ARHGEF18: variants seen among roughly 807,000 people sequenced by gnomAD.
The protein encoded by ARHGEF18 is rho guanine nucleotide exchange factor 18.
ARHGEF18 carries 93 observed loss-of-function variants against 155.7 expected under a neutral mutation model. That is an observed-to-expected ratio of 0.60 (90% CI 0.50 to 0.71). The LOEUF is 0.71. ARHGEF18 is among the 30% of genes least tolerant of loss of function. The pLI, the probability that ARHGEF18 is intolerant of heterozygous loss-of-function variation, is 0.00. For synonymous variants in ARHGEF18, 742 were observed against 753.1 expected, an observed-to-expected ratio of 0.99 and a Z score of 0.24; for missense variants, 1,593 against 1,816.1, an observed-to-expected ratio of 0.88 and a Z score of 2.23.
intron 2 of ARHGEF18, among the ~76,000 whole-genome samples, chr19:7,366,537 G>T (rs1359474339): frequency 6.6e-6 from 1 of 152,194 alleles, no homozygotes. Flanking sequence ...CCTCCAGGAA[G>T]CCCTCCCTGA....
chr19:7,362,357 A>AGAAGG (rs371225964), intron 1 of ARHGEF18, among the ~76,000 whole-genome samples: 1 of 151,946 alleles, frequency 6.6e-6, no homozygotes, highest in African/African-American at 2.4e-5. Flanking sequence ...GAGGAGGAGG[A>AGAAGG]AAAACAATGT....
intron 10 of ARHGEF18, among the ~76,000 whole-genome samples, chr19:7,418,746 C>T (rs10421569): frequency 0.61 from 92,443 of 151,856 alleles, 28,431 homozygotes; most frequent in Middle Eastern, 0.76. Flanking sequence ...CTCTCTGCCC[C>T]GGCCCATGTG....
chr19:7,451,006 T>TTCCGAGATGTTAATGCGGGATCTTGCTG (rs1975407719), intron 15 of ARHGEF18, 143 bp from the exon 16 acceptor site: 1 of 774,004 alleles, frequency 1.3e-6, no homozygotes, highest in Admixed American at 2.2e-5. Context: ...TGCTGTCCAT[T>TTCCGAGATGTTAATGCGGGATCTTGCTG]TCCGAGATGT....
chr19:7,467,735 G>A (rs754181547), intron 26 of ARHGEF18, 51 bp downstream of exon 26: 2 of 1,411,274 alleles, frequency 1.4e-6, no homozygotes, highest in South Asian at 1.5e-5. Flanking sequence ...CGGTTTGCAC[G>A]TGCATTTGCA....
chr19:7,392,435 C>T (rs1010664569), intron 10 of ARHGEF18, among the ~76,000 whole-genome samples: 1 of 151,644 alleles, frequency 6.6e-6, no homozygotes, highest in African/African-American at 2.4e-5. Context: ...CCCAGTGGCT[C>T]ACGCCTGTAA....
chr19:7,462,892 A>G lies in ARHGEF18; in HGVS notation c.2635+558A>G, dbSNP rs1184709112. On this transcript the variant is annotated intron_variant, in intron 21 of 28. Transcript: ENST00000668164. This position sits in a 1 kb window ranked among gnomAD's most constrained non-coding sequence, Gnocchi z 4.4. The stretch of plus-strand genomic sequence containing the variant: ...CGCTTTGTCACCCAGGCTGGAGTGC[A>G]GTGGCGTGATCTCGGCTCACTGCAA... Among the ~76,000 whole-genome samples the G allele has an allele frequency of 7.1e-6, 1 of 140,614 alleles. No homozygotes were observed. Among genetic ancestry groups the G allele is most frequent in the African/African-American group, 2.7e-5 (1 of 36,808 alleles). The allele number at this position is 140,614 out of a possible 152,430, so 92.2% of individuals were successfully genotyped here.
chr19:7,358,581 TA>T (rs1969422324), intron 1 of ARHGEF18, among the ~76,000 whole-genome samples: 1 of 151,948 alleles, frequency 6.6e-6, no homozygotes, highest in Non-Finnish European at 1.5e-5. Context: ...TCCAACCATC[TA>T]TCCATTTATC....
chr19:7,464,474 C>T (rs959187410), intron 22 of ARHGEF18, 86 bp from the exon 23 acceptor site: 1 of 1,507,966 alleles, frequency 6.6e-7, no homozygotes, highest in Non-Finnish European at 8.9e-7. Context: ...GGTTTCCTAC[C>T]TGGGCAGGGG....
chr19:7,467,746 C>G, intron 26 of ARHGEF18, 62 bp downstream of exon 26: 3 of 1,393,064 alleles, frequency 2.2e-6, no homozygotes, highest in Non-Finnish European at 2.8e-6. Flanking sequence ...TGCATTTGCA[C>G]GAGTGCATGC....
At chr19:7,473,133 G>C (rs1568374774), downstream of ARHGEF18, 1 of 456,184 alleles carries the variant, frequency 2.2e-6, no homozygotes, top group Admixed American at 2.4e-5. Flanking sequence ...TCTGGGGTGA[G>C]AGGCAGCTTG....
In ARHGEF18 at chr19:7,466,905, G is replaced by A. The variant is rs774621150; in HGVS notation, c.2905-13G>A. 2 of 1,613,142 alleles carry A rather than the reference G, an allele frequency of 1.2e-6. No individual in the cohort carries two copies. The highest frequency in any genetic ancestry group is 4.5e-5 in the East Asian group (2 of 44,878). On this transcript the variant is annotated splice_polypyrimidine_tract_variant and intron_variant, in intron 23 of 28. Coordinates refer to ENST00000668164, the MANE Select transcript of ARHGEF18 (RefSeq NM_001367823.1). ...GAGCCACTCTCTCTGGTTTGACGGT[G>A]TCCTCTTCCCAGGTGGAGGCGCCAG...
chr19:7,395,167 G>T lies in ARHGEF18; in HGVS notation c.967+11964G>T, dbSNP rs529834005. ...GCTGCTAGCTACTGTGGATCTGGGG[G>T]GGCCGGACGGAGGCATCGGAGGCGG... On this transcript the variant is annotated intron_variant, in intron 10 of 28. Coordinates refer to ENST00000668164, the MANE Select transcript of ARHGEF18 (RefSeq NM_001367823.1). This position sits in a 1 kb window ranked among gnomAD's most constrained non-coding sequence, Gnocchi z 5.0. 5 of 986,024 alleles carry T rather than the reference G, an allele frequency of 5.1e-6. No homozygotes were observed. Among genetic ancestry groups the T allele is most frequent in the Middle Eastern group, 5.2e-4 (1 of 1,918 alleles). 61.1% of individuals were successfully genotyped at this position (986,024 alleles called of 1,614,324 possible).
chr19:7,479,903 T>G, the ARHGEF18 span, among the ~76,000 whole-genome samples: 1 of 151,980 alleles, frequency 6.6e-6, no homozygotes, highest in African/African-American at 2.4e-5. Flanking sequence ...AGGCTGTGTG[T>G]GGGGGTATAT....
intron 10 of ARHGEF18, among the ~76,000 whole-genome samples, chr19:7,393,047 C>CAAAA (rs60015151): frequency 3.5e-5 from 2 of 56,670 alleles, no homozygotes; most frequent in South Asian, 5.7e-4. Context: ...GATCCTGTCT[C>CAAAA]AAAAAAAAAA....
intron 1 of ARHGEF18, among the ~76,000 whole-genome samples, chr19:7,355,074 A>T (rs1200235532): frequency 0.25 from 490 of 1,968 alleles, 4 homozygotes; most frequent in African/African-American, 0.32. Flanking sequence ...GGCTTCACAC[A>T]CACACACACA....
rs1459243279 is a variant in ARHGEF18, at chr19:7,380,770, T to C, written c.645-147T>C. ...CTGCCCTCTGCTGGAAAACCTGTCA[T>C]AATGTCTCATATACAAGCCCAGAGT... On this transcript the variant is annotated intron_variant, in intron 7 of 28. Coordinates refer to ENST00000668164, the MANE Select transcript of ARHGEF18 (RefSeq NM_001367823.1). 5 of 417,770 alleles carry C rather than the reference T, an allele frequency of 1.2e-5. No homozygotes were observed. The East Asian group carries it at 1.8e-4, about 15-fold the overall frequency. The allele number at this position is 417,770 out of a possible 1,614,324, so 25.9% of individuals were successfully genotyped here.
In ARHGEF18 at chr19:7,467,126, G is replaced by T. The variant is rs547578413; in HGVS notation, c.3009+8G>T. 2 of 1,593,816 alleles carry T rather than the reference G, an allele frequency of 1.3e-6. No individual in the cohort carries two copies. The highest frequency in any genetic ancestry group is 2.7e-5 in the African/African-American group (2 of 74,708). ...CTGCTCCTGAACCTTCAGGTACAGG[G>T]GCGGGGTGGGGCCGGCCACGCGTGC... On this transcript the variant is annotated splice_region_variant and intron_variant, in intron 25 of 28. Transcript: ENST00000668164.
At chr19:7,378,684 C>CTTTT (rs548305968) in intron 6 of ARHGEF18, among the ~76,000 whole-genome samples, 9 of 88,132 alleles carry the variant, frequency 1.0e-4, no homozygotes, top group East Asian at 4.8e-4. Context: ...ACAATTGTGG[C>CTTTT]TTTTTTTTTT....
At chr19:7,409,836 C>G (rs1053317634) in intron 10 of ARHGEF18, among the ~76,000 whole-genome samples, 1 of 146,388 alleles carries the variant, frequency 6.8e-6, no homozygotes, top group Non-Finnish European at 1.5e-5. Context: ...GTGGTGCAAC[C>G]TCAGCTTACT....
Sources: gnomAD v4.1 joint callset for allele counts (sites outside exome capture counted in the v4.1 genomes callset) on GRCh38, gnomAD v4.1.1 for gene constraint, Gnocchi (gnomAD v3.1) non-coding constraint, MANE v1.5 for transcripts, NCBI Gene and HGNC (gene_info 2026-07-23, HGNC 2026-07-21) for gene names.